The following AGBL4 variants were observed in gnomAD, a reference collection of about 807,000 sequenced individuals.
The protein encoded by AGBL4 is AGBL carboxypeptidase 4.
Under a neutral mutation model 66.4 loss-of-function variants are expected in AGBL4, and 58 were observed. That is an observed-to-expected ratio of 0.87 (90% CI 0.71 to 1.09). The LOEUF (loss-of-function observed/expected upper bound fraction) is 1.09. Among genes scored for constraint, AGBL4 ranks in the 50% least tolerant of loss-of-function variants. The pLI is 0.00. For synonymous variants in AGBL4, 234 were observed against 222.9 expected (o/e 1.05, Z -0.44); for missense variants, 579 against 631.0 (o/e 0.92, Z 0.88).
intron 6 of AGBL4, among the ~76,000 whole-genome samples, chr1:48,858,948 A>G (rs377517684): frequency 6.6e-6 from 1 of 152,102 alleles, no homozygotes; most frequent in Non-Finnish European, 1.5e-5. Flanking sequence ...AAAAATATTC[A>G]TGTCATCCTC....
intron 1 of AGBL4, among the ~76,000 whole-genome samples, chr1:49,861,084 G>A (rs1176389316): frequency 6.6e-6 from 1 of 152,078 alleles, no homozygotes; most frequent in Non-Finnish European, 1.5e-5. Flanking sequence ...CTCAGCTGAT[G>A]CCCACCCACA....
intron 3 of AGBL4, among the ~76,000 whole-genome samples, chr1:49,341,680 AGG>A: frequency 1.3e-5 from 2 of 152,180 alleles, no homozygotes; most frequent in Non-Finnish European, 2.9e-5. Context: ...AGGCGTGTGC[AGG>A]ATCATAGGAC....
intron 3 of AGBL4, among the ~76,000 whole-genome samples, chr1:49,370,295 T>C (rs1644316678): frequency 6.6e-6 from 1 of 151,698 alleles, no homozygotes; most frequent in African/African-American, 2.4e-5. Flanking sequence ...AAACTTAAAA[T>C]ATACAGGGCA....
chr1:48,769,486 T>C (rs921941237), intron 6 of AGBL4, among the ~76,000 whole-genome samples: 3 of 149,422 alleles, frequency 2.0e-5, no homozygotes, highest in African/African-American at 7.4e-5. Context: ...ATATTAATAG[T>C]AAGCCTTTCA....
chr1:49,641,415 A>T (rs1049644690), intron 3 of AGBL4, among the ~76,000 whole-genome samples: 14 of 152,100 alleles, frequency 9.2e-5, no homozygotes, highest in African/African-American at 3.4e-4. Context: ...AAATAATCTT[A>T]TCTGTAAATG....
At chr1:49,475,219 G>C (rs1194583725) in intron 3 of AGBL4, among the ~76,000 whole-genome samples, 2 of 151,858 alleles carry the variant, frequency 1.3e-5, no homozygotes, top group African/African-American at 4.8e-5. Flanking sequence ...TTTTAATTCT[G>C]TTTATATAAT....
intron 3 of AGBL4, among the ~76,000 whole-genome samples, chr1:49,380,876 T>TA (rs1279446171): frequency 6.6e-6 from 1 of 152,086 alleles, no homozygotes; most frequent in African/African-American, 2.4e-5. Context: ...ATGTTAGACC[T>TA]AAAACCATAA....
At chr1:49,444,270 C>T (rs1646102024) in intron 3 of AGBL4, among the ~76,000 whole-genome samples, 1 of 151,834 alleles carries the variant, frequency 6.6e-6, no homozygotes, top group Non-Finnish European at 1.5e-5. Flanking sequence ...TGTGTTAGGC[C>T]AGTTGGTATA....
chr1:48,796,786 G>A (rs1645685195), intron 6 of AGBL4, among the ~76,000 whole-genome samples: 1 of 152,122 alleles, frequency 6.6e-6, no homozygotes, highest in Admixed American at 6.6e-5. Context: ...TTACAGATTG[G>A]GTCCCACACT....
At chr1:48,618,301 ATC>A (rs1461449029) in intron 9 of AGBL4, among the ~76,000 whole-genome samples, 1 of 152,192 alleles carries the variant, frequency 6.6e-6, no homozygotes, top group African/African-American at 2.4e-5. Flanking sequence ...AAAACTATAC[ATC>A]TCTGTGACAA....
chr1:48,708,973 G>T (rs1293069581), intron 6 of AGBL4, among the ~76,000 whole-genome samples: 5 of 152,206 alleles, frequency 3.3e-5, no homozygotes, highest in Non-Finnish European at 7.3e-5. Flanking sequence ...GCCACATATT[G>T]CCTGAGGACA....
At chr1:49,342,922 G>C (rs1168344869) in intron 3 of AGBL4, among the ~76,000 whole-genome samples, 2 of 152,202 alleles carry the variant, frequency 1.3e-5, no homozygotes, top group African/African-American at 4.8e-5. Flanking sequence ...TCACCTGGAA[G>C]GTTACCTTTG....
Position 49,846,205 on chromosome 1 carries a change from C to G in AGBL4, c.157+5191G>C, listed in dbSNP as rs373697304. 665 of 1,461,270 alleles carry G rather than the reference C, an allele frequency of 4.6e-4. 7 individuals carry two copies. In the South Asian group the frequency reaches 6.8e-3, roughly 15 times the overall value. The allele number at this position is 1,461,270 out of a possible 1,614,324, so 90.5% of individuals were successfully genotyped here. On this transcript the variant is annotated intron_variant, in intron 2 of 13. Coordinates refer to ENST00000371839, the MANE Select transcript of AGBL4 (RefSeq NM_032785.4). The stretch of plus-strand genomic sequence containing the variant: ...CCTTCAACCACAGCTCCTCACTCAG[C>G]CAGCACAAAAGGACACACACTGGGG...
At chr1:49,357,089 C>T (rs960416741) in intron 3 of AGBL4, among the ~76,000 whole-genome samples, 1 of 152,174 alleles carries the variant, frequency 6.6e-6, no homozygotes, top group Non-Finnish European at 1.5e-5. Context: ...ACACTTTGTC[C>T]TAATGGGCAA....
At chr1:49,454,238 A>G (rs1298999592) in intron 3 of AGBL4, among the ~76,000 whole-genome samples, 1 of 151,792 alleles carries the variant, frequency 6.6e-6, no homozygotes, top group Admixed American at 6.6e-5. Flanking sequence ...TGGCAAACAG[A>G]AACAAAATAA....
Position 49,495,575 on chromosome 1 carries a change from G to A in AGBL4, c.282+201738C>T, listed in dbSNP as rs911719111. Among the ~76,000 whole-genome samples the A allele has an allele frequency of 6.6e-5, 10 of 151,754 alleles. 1 individual carries two copies. The highest frequency in any genetic ancestry group is 1.2e-4 in the Non-Finnish European group (8 of 67,924). On this transcript the variant is annotated intron_variant, in intron 3 of 13. Transcript: ENST00000371839. ...AAAAAAAACCAGGTTTGGAGAACCT[G>A]ATGTGACTATTTTGATTAGTGATAA...
intron 3 of AGBL4, among the ~76,000 whole-genome samples, chr1:49,544,109 GC>G (rs1652290030): frequency 6.6e-6 from 1 of 152,064 alleles, no homozygotes; most frequent in African/African-American, 2.4e-5. Context: ...CCCAATAAAT[GC>G]CCCGTTTTCA....
intron 5 of AGBL4, among the ~76,000 whole-genome samples, chr1:48,955,240 G>A (rs1657339193): frequency 6.6e-6 from 1 of 152,174 alleles, no homozygotes; most frequent in South Asian, 2.1e-4. Context: ...GGATATCAAG[G>A]TGACGCAGAC....
intron 6 of AGBL4, among the ~76,000 whole-genome samples, chr1:48,862,666 C>CT (rs1242500533): frequency 6.6e-6 from 1 of 152,150 alleles, no homozygotes; most frequent in Non-Finnish European, 1.5e-5. Flanking sequence ...GTTAACTGGA[C>CT]TCTGCAAATG....
Sources: gnomAD v4.1 joint callset for allele counts (sites outside exome capture counted in the v4.1 genomes callset) on GRCh38, gnomAD v4.1.1 for gene constraint, MANE v1.5 for transcripts, NCBI Gene and HGNC (gene_info 2026-07-23, HGNC 2026-07-21) for gene names.